Variants in SLC22A11 observed in about 807,000 individuals in gnomAD.
SLC22A11 encodes the protein solute carrier family 22 member 11, also known as organic anion transporter 4.
Under a neutral mutation model 49.4 loss-of-function variants are expected in SLC22A11, and 42 were observed. That is an observed-to-expected ratio of 0.85 (90% CI 0.66 to 1.10). The LOEUF (loss-of-function observed/expected upper bound fraction) is 1.10. Among genes scored for constraint, SLC22A11 ranks in the 50% least tolerant of loss-of-function variants. The pLI is 0.00. For synonymous variants in SLC22A11, 304 were observed against 315.8 expected, an observed-to-expected ratio of 0.96 and a Z score of 0.40; for missense variants, 685 against 731.6, an observed-to-expected ratio of 0.94 and a Z score of 0.74.
intron 2 of SLC22A11, among the ~76,000 whole-genome samples, chr11:64,560,382 G>A (rs1009665421): frequency 3.3e-5 from 5 of 151,986 alleles, no homozygotes; most frequent in Non-Finnish European, 5.9e-5. Flanking sequence ...AAAGTCCTCC[G>A]AGGGCCCCAC....
At position 64,559,154 on chromosome 11, in the gene SLC22A11, C is replaced by A; in HGVS notation, c.413C>A (p.Ser138Tyr). ...IVAKWDLVCS[S>Y]QGLKPLSQSI... is the part of the protein sequence containing the mutation. Reference sequence around the variant, plus strand: ...TTGCAGTGGGACCTGGTGTGCAGCTCCCAGGGCTTGAAGCCCCTAAGCCAG... The same window carrying A: ...TTGCAGTGGGACCTGGTGTGCAGCTACCAGGGCTTGAAGCCCCTAAGCCAG... The change falls in exon 2 of 10, where the codon TCC becomes TAC. Residue 138 changes from serine to tyrosine, a missense_variant. Transcript: ENST00000301891. 1 of 1,613,824 alleles carries A rather than the reference C, an allele frequency of 6.2e-7. No homozygotes were observed. The highest frequency in any genetic ancestry group is 8.5e-7 in the Non-Finnish European group (1 of 1,179,852).
rs1280806273 is a variant in SLC22A11, at chr11:64,564,260, G to T, written c.822-48G>T. ...CACTGCCCCTTTCCACCCCGCCCCGGGGGAGAGCCCAGCGTGCACTCCCAG... is the reference window on the plus strand; with the variant it reads ...CACTGCCCCTTTCCACCCCGCCCCGTGGGAGAGCCCAGCGTGCACTCCCAG... On this transcript the variant is annotated intron_variant, in intron 4 of 9. Coordinates refer to ENST00000301891, the MANE Select transcript of SLC22A11 (RefSeq NM_018484.4). The surrounding 1 kb of genome is among the most constrained non-coding windows in gnomAD (Gnocchi z 4.2). 1.2e-6 allele frequency: 2 copies of T among 1,609,808 alleles called. No individual in the cohort carries two copies. The highest frequency in any genetic ancestry group is 1.7e-6 in the Non-Finnish European group (2 of 1,177,434).
Position 64,562,041 on chromosome 11 carries a change from C to A in SLC22A11, c.535C>A (p.Gln179Lys). ...GCCGATGCTGAGCTGGTGCTGCCTGCAGTTGGCCGTGGCGGGCACCAGCAC... is the reference window on the plus strand; with the variant it reads ...GCCGATGCTGAGCTGGTGCTGCCTGAAGTTGGCCGTGGCGGGCACCAGCAC... ...RKPMLSWCCL[Q>K]LAVAGTSTIF... Residue 179 changes from glutamine (Q) to lysine (K), a missense_variant, in exon 3 of 10, where the codon CAG becomes AAG. Transcript: ENST00000301891. The surrounding 1 kb of genome is among the most constrained non-coding windows in gnomAD (Gnocchi z 4.4). 1 of 1,613,736 alleles carries A rather than the reference C, an allele frequency of 6.2e-7. No individual in the cohort carries two copies. The highest frequency in any genetic ancestry group is 8.5e-7 in the Non-Finnish European group (1 of 1,179,992).
At chr11:64,556,509 T>G (rs2038462367) in intron 1 of SLC22A11, 117 bp downstream of exon 1, 1 of 1,456,868 alleles carries the variant, frequency 6.9e-7, no homozygotes, top group Non-Finnish European at 9.2e-7. Context: ...CTCGAGCCTC[T>G]CAGCCCCTCG....
At position 64,559,200 on chromosome 11, in the gene SLC22A11, C is replaced by T. The variant is rs2038506979; in HGVS notation, c.459C>T (p.Ile153=). 4 of 1,611,780 alleles carry T rather than the reference C, an allele frequency of 2.5e-6. No individual in the cohort carries two copies. In the African/African-American group the frequency reaches 4.0e-5, roughly 16 times the overall value. Residue 153 remains isoleucine (I), a synonymous_variant, in exon 2 of 10, where the codon ATC becomes ATT. Transcript: ENST00000301891. ...GCCAGTCCATCTTCATGTCCGGGAT[C>T]CTGGTGGGCTCCTTTATCTGGGGCC... is the stretch of plus-strand genomic sequence containing the variant. The part of the protein sequence containing the change: ...PLSQSIFMSG[I]LVGSFIWGLL...
rs57253048 is a variant in SLC22A11 at position 64,570,507 on chromosome 11, G to A, written c.1590-472G>A. On this transcript the variant is annotated intron_variant, in intron 9 of 9. Transcript: ENST00000301891. ...GGGAAGTATTATTTTAAAGCACCTGGGAAAATGCCAGGCCTGCAGCAAGCA... is the reference window on the plus strand; with the variant it reads ...GGGAAGTATTATTTTAAAGCACCTGAGAAAATGCCAGGCCTGCAGCAAGCA... 1.8e-3 allele frequency among the ~76,000 whole-genome samples: 271 copies of A among 152,282 alleles called. 6 individuals are homozygous for A. In the East Asian group the frequency reaches 0.05, roughly 28 times the overall value.
chr11:64,568,870 T>G (rs1394836484), intron 8 of SLC22A11, 92 bp downstream of exon 8: 7 of 1,193,028 alleles, frequency 5.9e-6, no homozygotes, highest in Non-Finnish European at 5.0e-6. Flanking sequence ...GCCAGGGAAA[T>G]GCAGCCAGGG....
At chr11:64,558,451 C>T (rs1430326573) in intron 1 of SLC22A11, among the ~76,000 whole-genome samples, 4 of 152,098 alleles carry the variant, frequency 2.6e-5, no homozygotes, top group South Asian at 2.1e-4. Context: ...CAGTGGAGGA[C>T]GGACTTGGGG....
At chr11:64,557,296 T>C (rs1039596454) in intron 1 of SLC22A11, among the ~76,000 whole-genome samples, 2 of 152,232 alleles carry the variant, frequency 1.3e-5, no homozygotes, top group Non-Finnish European at 1.5e-5. Context: ...TCCCAGAGCC[T>C]GATTCAATCC....
rs751576752 is a variant in SLC22A11, at chr11:64,556,355, A to G, written c.356A>G (p.Tyr119Cys). ...DTEPCVDGWV[Y>C]DRSVFTSTIV... ...GAGCCGTGTGTGGACGGCTGGGTCT[A>G]TGACCGCAGCGTCTTCACCTCCACC... The change falls in exon 1 of 10, where the codon TAT (tyrosine) becomes TGT (cysteine). Residue 119 changes from tyrosine to cysteine, a missense_variant. Tyr to Cys is a radical substitution (Grantham distance 194). Transcript: ENST00000301891. The G allele has an allele frequency of 2.0e-5, 32 of 1,612,466 alleles. No homozygotes were observed. Among genetic ancestry groups the G allele is most frequent in the Non-Finnish European group, 2.6e-5 (31 of 1,180,016 alleles).
chr11:64,563,717 A>C (rs2038583429), intron 4 of SLC22A11, among the ~76,000 whole-genome samples: 1 of 151,638 alleles, frequency 6.6e-6, no homozygotes, highest in Admixed American at 6.6e-5. Context: ...CAGAAGATCA[A>C]GACCATCCTG....
In SLC22A11 at chr11:64,565,064, C is replaced by A. The variant is rs2038604069; in HGVS notation, c.943-158C>A. 6.6e-6 allele frequency among the ~76,000 whole-genome samples: 1 copy of A among 152,152 alleles called. No individual in the cohort carries two copies. The highest frequency in any genetic ancestry group is 1.5e-5 in the Non-Finnish European group (1 of 68,002). On this transcript the variant is annotated intron_variant, in intron 5 of 9. Coordinates refer to ENST00000301891, the MANE Select transcript of SLC22A11 (RefSeq NM_018484.4). This position sits in a 1 kb window ranked among gnomAD's most constrained non-coding sequence, Gnocchi z 4.1. Reference sequence around the variant, plus strand: ...CAGGGCCTGGAGAGAACCTTTTCTGCCCCATCCCCTCCCCTTCCCCTAGGG... The same window carrying A: ...CAGGGCCTGGAGAGAACCTTTTCTGACCCATCCCCTCCCCTTCCCCTAGGG...
At position 64,572,325 on chromosome 11, in the gene SLC22A11, T is replaced by A. The variant is rs981622079; in HGVS notation, c.*1283T>A. On this transcript the variant is annotated 3_prime_UTR_variant, in exon 10 of 10. Transcript: ENST00000301891. Reference sequence around the variant, plus strand: ...GTGCAGAGTGGTGGAGGGGCCAGCTTGCAGAAACACGGCCGAACCCGGCCC... The same window carrying A: ...GTGCAGAGTGGTGGAGGGGCCAGCTAGCAGAAACACGGCCGAACCCGGCCC... 3.3e-5 allele frequency: 5 copies of A among 152,270 alleles called. No homozygotes were observed. The highest frequency in any genetic ancestry group is 2.6e-4 in the Admixed American group (4 of 15,290). 9.4% of individuals were successfully genotyped at this position (152,270 alleles called of 1,614,324 possible).
In SLC22A11 at chr11:64,571,174, G is replaced by A. The variant is rs75605167; in HGVS notation, c.*132G>A. ...TGGCAGAGGCCAGGCAGCCGTGGCC[G>A]AGTGGACAGCGTGGCCGTCTGCTGT... On this transcript the variant is annotated 3_prime_UTR_variant, in exon 10 of 10. Coordinates refer to ENST00000301891, the MANE Select transcript of SLC22A11 (RefSeq NM_018484.4). 2.2e-4 allele frequency: 205 copies of A among 944,202 alleles called. 1 individual carries two copies. In the East Asian group the frequency reaches 2.8e-3, roughly 13 times the overall value. 58.5% of individuals were successfully genotyped at this position (944,202 alleles called of 1,614,324 possible).
chr11:64,557,513 A>G (rs982854766), intron 1 of SLC22A11, among the ~76,000 whole-genome samples: 2 of 152,096 alleles, frequency 1.3e-5, no homozygotes, highest in African/African-American at 4.8e-5. Flanking sequence ...GGTCATGCAT[A>G]GAAGTATGTC....
chr11:64,568,335 GC>G (rs536873783), intron 7 of SLC22A11, among the ~76,000 whole-genome samples: 363 of 152,302 alleles, frequency 2.4e-3, no homozygotes, highest in Middle Eastern at 0.01. Flanking sequence ...TGTGGACCGG[GC>G]CCGGCGCTCT....
In SLC22A11 at chr11:64,565,854, A is replaced by G; in HGVS notation, c.1058+517A>G. ...TAGAGCCTGCATTGGAACCGGGCTG[A>G]GCTAACACTTGGCTTACCGGCACTG... On this transcript the variant is annotated intron_variant, in intron 6 of 9. Coordinates refer to ENST00000301891, the MANE Select transcript of SLC22A11 (RefSeq NM_018484.4). The surrounding 1 kb of genome is among the most constrained non-coding windows in gnomAD (Gnocchi z 4.1). The G allele has an allele frequency of 3.8e-6, 1 of 261,152 alleles. No homozygotes were observed. The highest frequency in any genetic ancestry group is 7.7e-6 in the Non-Finnish European group (1 of 129,078). The allele number at this position is 261,152 out of a possible 1,614,324, so 16.2% of individuals were successfully genotyped here. A position where few individuals can be genotyped will look rare whatever the true frequency, so the allele number is the denominator to read the frequency against.
rs1431740287 is a variant in SLC22A11, at chr11:64,571,587, T to G, written c.*545T>G. 1 of 153,588 alleles carries G rather than the reference T, an allele frequency of 6.5e-6. No homozygotes were observed. The highest frequency in any genetic ancestry group is 1.4e-5 in the Non-Finnish European group (1 of 69,032). The allele number at this position is 153,588 out of a possible 1,614,324, so 9.5% of individuals were successfully genotyped here. A position where few individuals can be genotyped will look rare whatever the true frequency, so the allele number is the denominator to read the frequency against. ...CGCAGCCAAGGAGGCGTGTGGGGTC[T>G]GAAACTCAGCCCCGGCTACACTGGC... is the stretch of plus-strand genomic sequence containing the variant. On this transcript the variant is annotated 3_prime_UTR_variant, in exon 10 of 10. Coordinates refer to ENST00000301891, the MANE Select transcript of SLC22A11 (RefSeq NM_018484.4).
At position 64,569,763 on chromosome 11, in the gene SLC22A11, C is replaced by T. The variant is rs559589740; in HGVS notation, c.1494C>T (p.Gly498=). 6.8e-6 allele frequency: 11 copies of T among 1,614,122 alleles called. No individual in the cohort carries two copies. The highest frequency in any genetic ancestry group is 1.3e-5 in the African/African-American group (1 of 75,054). Residue 498 remains glycine (G), a synonymous_variant, in exon 9 of 10, where the codon GGC becomes GGT. Coordinates refer to ENST00000301891, the MANE Select transcript of SLC22A11 (RefSeq NM_018484.4). ...CCCTGCTGCCTCCTCTCCTCTATGG[C>T]GTTATCTCCATTGCTTCCAGCCTGG... ...ALPLLPPLLY[G]VISIASSLVV...
Sources: gnomAD v4.1 joint callset for allele counts (sites outside exome capture counted in the v4.1 genomes callset) on GRCh38, gnomAD v4.1.1 for gene constraint, Gnocchi (gnomAD v3.1) non-coding constraint, MANE v1.5 for transcripts, NCBI Gene and HGNC (gene_info 2026-07-23, HGNC 2026-07-21) for gene names.